The following CREB1 variants were observed in gnomAD, a reference collection of about 807,000 sequenced individuals.
The protein encoded by CREB1 is cAMP responsive element binding protein 1.
CREB1 carries 2 observed loss-of-function variants against 42.0 expected under a neutral mutation model. The observed-to-expected ratio is 0.05, with a 90% CI of 0.02 to 0.15. The LOEUF is 0.15. Ranked by LOEUF, CREB1 falls within the 10% of genes least tolerant of loss-of-function variation. The pLI, the probability that CREB1 is intolerant of heterozygous loss-of-function variation, is 1.00. For synonymous variants in CREB1, 123 were observed against 139.9 expected, an observed-to-expected ratio of 0.88 and a Z score of 0.85; for missense variants, 199 against 388.9, an observed-to-expected ratio of 0.51 and a Z score of 4.11.
chr2:207,580,555 T>C (rs976632555), intron 7 of CREB1: 6 of 217,542 alleles, frequency 2.8e-5, no homozygotes, highest in African/African-American at 1.3e-4. Context: ...GCATGCTCAC[T>C]AGGATGAATT....
At position 207,596,905 on chromosome 2, in the gene CREB1, TG is replaced by T; in HGVS notation, c.840-8del. On this transcript the variant is annotated splice_region_variant and splice_polypyrimidine_tract_variant and intron_variant, in intron 7 of 7. Transcript: ENST00000353267. ...TTGCATAATTTTTCCCGTCCTCTTT[TG>T]CTTGTAGGGAAGCAGCTCGAGAGTG... 6.3e-7 allele frequency: 1 copy of T among 1,598,648 alleles called. No homozygotes were observed. The highest frequency in any genetic ancestry group is 1.1e-5 in the South Asian group (1 of 87,104).
At chr2:207,593,129 G>T (rs2085404182) in intron 7 of CREB1, among the ~76,000 whole-genome samples, 1 of 152,092 alleles carries the variant, frequency 6.6e-6, no homozygotes, top group African/African-American at 2.4e-5. Flanking sequence ...ATTTCCATTT[G>T]ATTCCTTTTC....
intron 7 of CREB1, among the ~76,000 whole-genome samples, chr2:207,592,911 C>CAAAAAGGAAAAAAAAAAAAAA (rs1553509947): frequency 1.4e-5 from 2 of 145,122 alleles, no homozygotes; most frequent in African/African-American, 5.1e-5. Flanking sequence ...GACTCCATCT[C>CAAAAAGGAAAAAAAAAAAAAA]AAAAAAGAAA....
chr2:207,576,000 A>AT (rs1419511473), intron 6 of CREB1, among the ~76,000 whole-genome samples: 3 of 115,060 alleles, frequency 2.6e-5, no homozygotes, highest in South Asian at 3.1e-4. Context: ...TATTATTATT[A>AT]TTTTTTTCTA....
chr2:207,586,141 C>T (rs2083794233), intron 7 of CREB1, among the ~76,000 whole-genome samples: 1 of 152,094 alleles, frequency 6.6e-6, no homozygotes, highest in South Asian at 2.1e-4. Flanking sequence ...CCAAAGCATT[C>T]CTGAACTAAA....
At position 207,605,647 on chromosome 2, in the gene CREB1, T is replaced by G. The variant is rs961875511; in HGVS notation, c.*8589T>G. On this transcript the variant is annotated 3_prime_UTR_variant, in exon 8 of 8. Transcript: ENST00000353267. Reference sequence around the variant, plus strand: ...GTTCTCTCCTCCTCCCTCTCCCTTTTTTTACACAAAAGGTAGGTACAAACA... The same window carrying G: ...GTTCTCTCCTCCTCCCTCTCCCTTTGTTTACACAAAAGGTAGGTACAAACA... Among the ~76,000 whole-genome samples the G allele has an allele frequency of 6.6e-6, 1 of 152,160 alleles. No homozygotes were observed. Among genetic ancestry groups the G allele is most frequent in the African/African-American group, 2.4e-5 (1 of 41,432 alleles).
Position 207,603,371 on chromosome 2 carries a change from CATA to C in CREB1, c.*6316_*6318del, listed in dbSNP as rs1412155544. ...CTGTAATCTTTGTGGTATCAACTGT[CATA>C]ATGCTCTTTTTACACAAACATTTAT... On this transcript the variant is annotated 3_prime_UTR_variant, in exon 8 of 8. Coordinates refer to ENST00000353267, the MANE Select transcript of CREB1 (RefSeq NM_004379.5). 2 of 224,646 alleles carry C rather than the reference CATA, an allele frequency of 8.9e-6. No individual in the cohort carries two copies. The highest frequency in any genetic ancestry group is 1.8e-4 in the South Asian group (1 of 5,460). 13.9% of individuals were successfully genotyped at this position (224,646 alleles called of 1,614,324 possible). A position where few individuals can be genotyped will look rare whatever the true frequency, so the allele number is the denominator to read the frequency against.
intron 1 of CREB1, among the ~76,000 whole-genome samples, chr2:207,544,474 T>C (rs1170811575): frequency 1.3e-5 from 2 of 152,258 alleles, no homozygotes; most frequent in Non-Finnish European, 2.9e-5. Context: ...TATAATAATT[T>C]ATACCTGTCA....
At chr2:207,541,325 C>T (rs180991452) in intron 1 of CREB1, among the ~76,000 whole-genome samples, 204 of 152,300 alleles carry the variant, frequency 1.3e-3, no homozygotes, top group African/African-American at 4.7e-3. Flanking sequence ...CCCAGACCAA[C>T]TTCTAGTCCT....
rs1234510455 is a variant in CREB1, at chr2:207,602,814, A to G, written c.*5756A>G. On this transcript the variant is annotated 3_prime_UTR_variant, in exon 8 of 8. Coordinates refer to ENST00000353267, the MANE Select transcript of CREB1 (RefSeq NM_004379.5). ...GAGTATAGATTTATTAGGGGTGGCA[A>G]AGAAGAGTGCTAGTTAGCAGTTTTC... 4.6e-6 allele frequency: 1 copy of G among 218,166 alleles called. No individual in the cohort carries two copies. Among genetic ancestry groups the G allele is most frequent in the Non-Finnish European group, 9.2e-6 (1 of 108,680 alleles). The allele number at this position is 218,166 out of a possible 1,614,324, so 13.5% of individuals were successfully genotyped here.
intron 6 of CREB1, among the ~76,000 whole-genome samples, chr2:207,576,033 C>T (rs994201561): frequency 2.2e-5 from 3 of 138,214 alleles, no homozygotes; most frequent in Non-Finnish European, 4.6e-5. Context: ...CACTGTGTTG[C>T]CCAGGCTAGT....
chr2:207,551,179 C>T (rs148143587), intron 1 of CREB1, among the ~76,000 whole-genome samples: 191 of 152,298 alleles, frequency 1.3e-3, no homozygotes, highest in Non-Finnish European at 2.3e-3. Flanking sequence ...CTGACTATTG[C>T]TGAACATAGT....
At chr2:207,538,639 GAA>G (rs2080970990) in intron 1 of CREB1, among the ~76,000 whole-genome samples, 1 of 150,238 alleles carries the variant, frequency 6.7e-6, no homozygotes, top group Non-Finnish European at 1.5e-5. Flanking sequence ...TTTTCTGAAA[GAA>G]GAGAAGTGAC....
intron 7 of CREB1, among the ~76,000 whole-genome samples, chr2:207,593,962 G>A (rs2085601694): frequency 6.6e-6 from 1 of 151,986 alleles, no homozygotes; most frequent in African/African-American, 2.4e-5. Flanking sequence ...CAAGTGATCT[G>A]CCTGCCTCAG....
chr2:207,581,008 G>A (rs1040151871), intron 7 of CREB1: 9 of 218,344 alleles, frequency 4.1e-5, no homozygotes, highest in African/African-American at 1.8e-4. Flanking sequence ...CCTACAGGAA[G>A]TGGAGAGTGA....
rs1032962890 is a variant in CREB1 at position 207,599,357 on chromosome 2, A to G, written c.*2299A>G. On this transcript the variant is annotated 3_prime_UTR_variant, in exon 8 of 8. Transcript: ENST00000353267. ...CAAAATGTCGAATCGAACATTTTGA[A>G]TGAAGTAAGTGTTATAAATGAAAAA... 9.6e-6 allele frequency: 2 copies of G among 207,786 alleles called. No individual in the cohort carries two copies. Among genetic ancestry groups the G allele is most frequent in the East Asian group, 1.5e-4 (2 of 13,552 alleles). 12.9% of individuals were successfully genotyped at this position (207,786 alleles called of 1,614,324 possible).
At position 207,603,353 on chromosome 2, in the gene CREB1, C is replaced by G; in HGVS notation, c.*6295C>G. On this transcript the variant is annotated 3_prime_UTR_variant, in exon 8 of 8. Transcript: ENST00000353267. The stretch of plus-strand genomic sequence containing the variant: ...ATAAAGTGCTTTTTCTTACTGTAAT[C>G]TTTGTGGTATCAACTGTCATAATGC... The G allele has an allele frequency of 4.5e-6, 1 of 224,532 alleles. No homozygotes were observed. The highest frequency in any genetic ancestry group is 5.7e-5 in the Admixed American group (1 of 17,516). The allele number at this position is 224,532 out of a possible 1,614,324, so 13.9% of individuals were successfully genotyped here.
intron 1 of CREB1, among the ~76,000 whole-genome samples, chr2:207,551,415 A>T (rs993321572): frequency 2.6e-5 from 4 of 152,350 alleles, no homozygotes; most frequent in Non-Finnish European, 5.9e-5. Context: ...TAACTGTTTA[A>T]TAACTCTAAC....
At chr2:207,548,197 G>C (rs1307599741) in intron 1 of CREB1, among the ~76,000 whole-genome samples, 1 of 152,066 alleles carries the variant, frequency 6.6e-6, no homozygotes, top group Non-Finnish European at 1.5e-5. Context: ...CCAAAGCGCA[G>C]GGATTACAGG....
Sources: allele counts gnomAD v4.1 joint callset (sites outside exome capture counted in the v4.1 genomes callset), GRCh38; gene constraint gnomAD v4.1.1; transcripts MANE v1.5; gene names NCBI Gene and HGNC (gene_info 2026-07-23, HGNC 2026-07-21).